Variants in AIG1 observed in about 807,000 individuals in gnomAD.
AIG1 encodes androgen-induced gene 1 protein.
In AIG1, 23 loss-of-function variants were observed where a neutral mutation model predicts 31.4. That is an observed-to-expected ratio of 0.73 (90% CI 0.53 to 1.04). The LOEUF (loss-of-function observed/expected upper bound fraction) is 1.04. Ranked by LOEUF, AIG1 falls within the 50% of genes least tolerant of loss-of-function variation. The pLI, the probability that AIG1 is intolerant of heterozygous loss-of-function variation, is 0.00. For synonymous variants in AIG1, 100 were observed against 110.5 expected (o/e 0.90, Z 0.60); for missense variants, 274 against 295.0 (o/e 0.93, Z 0.52).
intron 1 of AIG1, among the ~76,000 whole-genome samples, chr6:143,071,656 C>A (rs1000062943): frequency 1.3e-5 from 2 of 151,582 alleles, no homozygotes; most frequent in Non-Finnish European, 2.9e-5. Flanking sequence ...GATATCTCAT[C>A]GTGGTGGTGG....
chr6:143,278,464 CTT>C (rs1008735692), intron 3 of AIG1, among the ~76,000 whole-genome samples: 43 of 135,892 alleles, frequency 3.2e-4, no homozygotes, highest in African/African-American at 8.9e-4. Flanking sequence ...TTTTTCTTTT[CTT>C]TTTTTTTTTT....
At chr6:143,104,514 A>T (rs1345667182) in intron 1 of AIG1, among the ~76,000 whole-genome samples, 1 of 152,146 alleles carries the variant, frequency 6.6e-6, no homozygotes, top group Admixed American at 6.5e-5. Context: ...AGTATGTGAC[A>T]TTTGTTCACC....
chr6:143,269,707 G>C (rs1173103425), intron 3 of AIG1, among the ~76,000 whole-genome samples: 1 of 152,146 alleles, frequency 6.6e-6, no homozygotes, highest in African/African-American at 2.4e-5. Flanking sequence ...TTGAACAAAA[G>C]CAGCCAGACA....
chr6:143,264,009 A>G (rs1463613402), intron 3 of AIG1, among the ~76,000 whole-genome samples: 1 of 152,218 alleles, frequency 6.6e-6, no homozygotes. Context: ...CTTCCAAAAC[A>G]GTGGTTGAGT....
rs761979083 is a variant in AIG1, at chr6:143,060,925, C to G, written c.-1C>G. The G allele has an allele frequency of 1.2e-6, 2 of 1,606,226 alleles. No homozygotes were observed. The highest frequency in any genetic ancestry group is 2.7e-5 in the African/African-American group (2 of 74,574). On this transcript the variant is annotated 5_prime_UTR_variant, in exon 1 of 6. Transcript: ENST00000357847. Reference sequence around the variant, plus strand: ...CCAGCCGGTCCAGGCCTCTGGCGAACATGGCGCTTGTCCCCTGCCAGGTGC... The same window carrying G: ...CCAGCCGGTCCAGGCCTCTGGCGAAGATGGCGCTTGTCCCCTGCCAGGTGC...
At chr6:143,121,036 C>G (rs146821676) in intron 1 of AIG1, among the ~76,000 whole-genome samples, 1 of 152,240 alleles carries the variant, frequency 6.6e-6, no homozygotes, top group Non-Finnish European at 1.5e-5. Context: ...CCTTTTATTT[C>G]GGCCCATCCC....
At chr6:143,242,465 C>T (rs541889619) in intron 3 of AIG1, among the ~76,000 whole-genome samples, 4 of 152,244 alleles carry the variant, frequency 2.6e-5, no homozygotes, top group African/African-American at 9.6e-5. Flanking sequence ...GGGCATTATC[C>T]CCATTTTTCA....
At chr6:143,192,342 C>T (rs921063515) in intron 3 of AIG1, among the ~76,000 whole-genome samples, 1 of 152,192 alleles carries the variant, frequency 6.6e-6, no homozygotes, top group Non-Finnish European at 1.5e-5. Context: ...TGGTGGCTCA[C>T]GCCTGCAATC....
rs1199328825 is a variant in AIG1, at chr6:143,331,666, A to G, written c.516-1616A>G. Among the ~76,000 whole-genome samples the G allele has an allele frequency of 6.6e-6, 1 of 150,458 alleles. No homozygotes were observed. The highest frequency in any genetic ancestry group is 1.5e-5 in the Non-Finnish European group (1 of 67,550). ...TGTGTGTATATATGTGTGTGTGTATATGTGTGTGTGTGTGTATCTGTGCTT... is the reference window on the plus strand; with the variant it reads ...TGTGTGTATATATGTGTGTGTGTATGTGTGTGTGTGTGTGTATCTGTGCTT... On this transcript the variant is annotated intron_variant, in intron 4 of 5. Transcript: ENST00000357847. The surrounding 1 kb of genome is among the most constrained non-coding windows in gnomAD (Gnocchi z 4.1).
intron 3 of AIG1, among the ~76,000 whole-genome samples, chr6:143,270,716 T>C (rs1222119761): frequency 1.3e-5 from 2 of 152,262 alleles, no homozygotes; most frequent in Non-Finnish European, 2.9e-5. Context: ...CTAAGAGCTT[T>C]AATTTCATTT....
intron 1 of AIG1, 82 bp downstream of exon 1, chr6:143,061,148 G>GT: frequency 6.9e-7 from 1 of 1,452,118 alleles, no homozygotes; most frequent in South Asian, 1.2e-5. Context: ...GTGTGTGTGT[G>GT]GATGCGCGAG....
intron 3 of AIG1, among the ~76,000 whole-genome samples, chr6:143,169,881 A>C (rs148215482): frequency 6.6e-6 from 1 of 151,910 alleles, no homozygotes; most frequent in Non-Finnish European, 1.5e-5. Flanking sequence ...TTTGTTCTTC[A>C]TTTTGTTTAT....
At chr6:143,060,042 C>A (rs1290234102), upstream of AIG1, among the ~76,000 whole-genome samples, 1 of 152,176 alleles carries the variant, frequency 6.6e-6, no homozygotes, top group African/African-American at 2.4e-5. Context: ...GTTTTACATC[C>A]AAAATTGGAA....
At chr6:143,188,684 A>G (rs1789502403) in intron 3 of AIG1, 1 of 984,616 alleles carries the variant, frequency 1.0e-6, no homozygotes, top group Non-Finnish European at 1.2e-6. Flanking sequence ...GGACCATCCA[A>G]CCCCTCTAGA....
Position 143,190,920 on chromosome 6 carries a change from C to T in AIG1, c.399+25737C>T, listed in dbSNP as rs151222409. 2.6e-3 allele frequency among the ~76,000 whole-genome samples: 401 copies of T among 152,166 alleles called. 1 individual carries two copies. The highest frequency in any genetic ancestry group is 9.3e-3 in the African/African-American group (384 of 41,494). ...TAATGTTGGTCAACCCTGGATGGCTCGGGTCTCATACTCAGAGGTTCTGAT... is the reference window on the plus strand; with the variant it reads ...TAATGTTGGTCAACCCTGGATGGCTTGGGTCTCATACTCAGAGGTTCTGAT... On this transcript the variant is annotated intron_variant, in intron 3 of 5. Transcript: ENST00000357847.
chr6:143,291,196 G>A lies in AIG1; in HGVS notation c.515+6971G>A, dbSNP rs59887794. 0.14 allele frequency among the ~76,000 whole-genome samples: 20,930 copies of A among 152,112 alleles called. 1,641 individuals carry two copies. Among genetic ancestry groups the A allele is most frequent in the East Asian group, 0.36 (1,864 of 5,154 alleles). On this transcript the variant is annotated intron_variant, in intron 4 of 5. Transcript: ENST00000357847. The surrounding 1 kb of genome is among the most constrained non-coding windows in gnomAD (Gnocchi z 4.2). ...CAGAGGGAGGGGGAGCTGTAAAGCC[G>A]CCTGTGATCCCATCATTGTACATGT... is the stretch of plus-strand genomic sequence containing the variant.
intron 3 of AIG1, among the ~76,000 whole-genome samples, chr6:143,231,629 T>C (rs770442558): frequency 3.3e-5 from 5 of 152,228 alleles, no homozygotes; most frequent in Non-Finnish European, 7.3e-5. Flanking sequence ...AGTGTGAAGT[T>C]AGCTGTAATA....
intron 2 of AIG1, among the ~76,000 whole-genome samples, chr6:143,140,613 T>C (rs1401113257): frequency 2.0e-5 from 3 of 152,196 alleles, no homozygotes; most frequent in African/African-American, 7.2e-5. Context: ...ATTTTTACTT[T>C]TTCTGTGCCT....
In AIG1 at chr6:143,117,136, TGGAGGAA is replaced by T. The variant is rs373027115; in HGVS notation, c.142-19697_142-19691del. On this transcript the variant is annotated intron_variant, in intron 1 of 5. Transcript: ENST00000357847. The stretch of plus-strand genomic sequence containing the variant: ...ACAAACTAACATTTGAATGAAGAGC[TGGAGGAA>T]GTGAGGGTGCAGTTCAAAGAGACAG... Among the ~76,000 whole-genome samples, 862 of 152,162 alleles carry T rather than the reference TGGAGGAA, an allele frequency of 5.7e-3. 5 individuals are homozygous for T. The highest frequency in any genetic ancestry group is 8.7e-3 in the Non-Finnish European group (589 of 68,012).
Sources: allele counts gnomAD v4.1 joint callset (sites outside exome capture counted in the v4.1 genomes callset), GRCh38; gene constraint gnomAD v4.1.1; non-coding constraint Gnocchi (gnomAD v3.1); transcripts MANE v1.5; gene names NCBI Gene and HGNC (gene_info 2026-07-23, HGNC 2026-07-21).